PHACTR3: variants seen among roughly 807,000 people sequenced by gnomAD.
PHACTR3 encodes phosphatase and actin regulator 3, also known as protein phosphatase 1, regulatory subunit 123.
In PHACTR3, 16 loss-of-function variants were observed where a neutral mutation model predicts 66.8. That is an observed-to-expected ratio of 0.24 (90% CI 0.16 to 0.36). PHACTR3 has a LOEUF of 0.36. Ranked by LOEUF, PHACTR3 falls within the 10% of genes least tolerant of loss-of-function variation. The probability of loss-of-function intolerance (pLI) is 1.00; values close to 1 mark genes in which losing one functional copy is unlikely to be tolerated. For synonymous variants in PHACTR3, 323 were observed against 292.1 expected (o/e 1.11, Z -1.08); for missense variants, 647 against 719.9 (o/e 0.90, Z 1.16).
chr20:59,807,703 G>A (rs6027130), intron 8 of PHACTR3, among the ~76,000 whole-genome samples: 22,982 of 152,084 alleles, frequency 0.15, 3,127 homozygotes, highest in East Asian at 0.4. Flanking sequence ...CTTACACCAC[G>A]ATGTCATATG....
chr20:59,605,261 C>T (rs1345549409), intron 1 of PHACTR3, 129 bp downstream of exon 1: 1 of 563,534 alleles, frequency 1.8e-6, no homozygotes, highest in Non-Finnish European at 2.7e-6. Context: ...CGCGCTCGGC[C>T]CCGCGGTTCC....
At chr20:59,700,407 C>T (rs188200291) in intron 1 of PHACTR3, among the ~76,000 whole-genome samples, 47 of 152,328 alleles carry the variant, frequency 3.1e-4, no homozygotes, top group African/African-American at 9.6e-4. Flanking sequence ...ATGACTGCAA[C>T]TGCAAGACCA....
intron 7 of PHACTR3, among the ~76,000 whole-genome samples, chr20:59,780,030 TCA>T (rs780917004): frequency 5.9e-5 from 9 of 152,236 alleles, no homozygotes; most frequent in East Asian, 5.8e-4. Context: ...GTCTGGTTTT[TCA>T]CAGTGTCCCA....
At chr20:59,729,824 T>G (rs1042506977) in intron 1 of PHACTR3, among the ~76,000 whole-genome samples, 2 of 152,148 alleles carry the variant, frequency 1.3e-5, no homozygotes, top group Non-Finnish European at 2.9e-5. Flanking sequence ...ACATCAGAAA[T>G]GCAGACAGTT....
chr20:59,787,935 A>C (rs2040967592), intron 7 of PHACTR3, among the ~76,000 whole-genome samples: 1 of 152,162 alleles, frequency 6.6e-6, no homozygotes, highest in Non-Finnish European at 1.5e-5. Context: ...CCCATCTGAA[A>C]TACACACCCA....
intron 9 of PHACTR3, among the ~76,000 whole-genome samples, 195 bp downstream of exon 9, chr20:59,836,755 T>A (rs954490282): frequency 2.6e-5 from 4 of 152,108 alleles, no homozygotes; most frequent in Non-Finnish European, 5.9e-5. Flanking sequence ...TTTTTTAATT[T>A]AAAAAAACTC....
intron 7 of PHACTR3, among the ~76,000 whole-genome samples, chr20:59,797,510 G>T (rs1291092320): frequency 6.6e-6 from 1 of 152,002 alleles, no homozygotes; most frequent in Admixed American, 6.6e-5. Context: ...CCTATAGATG[G>T]GACCTAGGGT....
chr20:59,841,507 C>T lies in PHACTR3; in HGVS notation c.1559C>T (p.Pro520Leu). 1 of 1,612,964 alleles carries T rather than the reference C, an allele frequency of 6.2e-7. No individual in the cohort carries two copies. Among genetic ancestry groups the T allele is most frequent in the Non-Finnish European group, 8.5e-7 (1 of 1,179,428 alleles). Residue 520 changes from proline (P) to leucine (L), a missense_variant, in exon 11 of 13, where the codon CCC becomes CTC. Pro to Leu is a moderately conservative substitution (Grantham distance 98). Coordinates refer to ENST00000371015, the MANE Select transcript of PHACTR3 (RefSeq NM_080672.5). ...GACTATGACAGGAGGGCAGACAAAC[C>T]CTGGACGAGACTGTCAGCAGCAGAT... Reference protein sequence around the residue: ...AQDYDRRADKPWTRLSAADKA... With the variant: ...AQDYDRRADKLWTRLSAADKA...
At chr20:59,584,550 T>A (rs773295251) in intron 1 of PHACTR3, among the ~76,000 whole-genome samples, 6 of 152,104 alleles carry the variant, frequency 3.9e-5, no homozygotes, top group Non-Finnish European at 8.8e-5. Context: ...TGCATGAGTG[T>A]GTACGTGCAT....
rs757288346 is a variant in PHACTR3, at chr20:59,743,089, T to C, written c.119-18T>C. ...GTTTGGTGGCCACTTGAGGACCCCC[T>C]TGGTTTTCGTCTTCCAGATGAGATG... is the stretch of plus-strand genomic sequence containing the variant. On this transcript the variant is annotated intron_variant, in intron 1 of 12. Transcript: ENST00000371015. The C allele has an allele frequency of 1.1e-5, 18 of 1,607,752 alleles. No homozygotes were observed. The South Asian group carries it at 1.9e-4, about 17-fold the overall frequency.
Position 59,743,204 on chromosome 20 carries a change from C to A in PHACTR3, c.216C>A (p.Gly72=), listed in dbSNP as rs755611546. ...GGAACAGCAAACTGGCCACCCTGGG[C>A]AGGATCTTCAAACCCTGGAAATGGA... ...VRRNSKLATL[G]RIFKPWKWRK... Residue 72 remains glycine, a synonymous_variant, in exon 2 of 13, where the codon GGC becomes GGA. Transcript: ENST00000371015. The A allele has an allele frequency of 1.2e-6, 2 of 1,614,122 alleles. No homozygotes were observed. Among genetic ancestry groups the A allele is most frequent in the Non-Finnish European group, 1.7e-6 (2 of 1,179,982 alleles).
intron 1 of PHACTR3, among the ~76,000 whole-genome samples, chr20:59,690,588 T>C (rs1377507721): frequency 6.6e-6 from 1 of 152,190 alleles, no homozygotes; most frequent in African/African-American, 2.4e-5. Context: ...GGGGAGACTG[T>C]ATTATAGAGA....
At chr20:59,671,063 C>G (rs2036180314) in intron 1 of PHACTR3, among the ~76,000 whole-genome samples, 1 of 152,160 alleles carries the variant, frequency 6.6e-6, no homozygotes, top group Non-Finnish European at 1.5e-5. Context: ...TGGGAGAGAG[C>G]ATTTGGTTTC....
chr20:59,759,158 G>C (rs968815945), intron 4 of PHACTR3, among the ~76,000 whole-genome samples: 14 of 152,194 alleles, frequency 9.2e-5, no homozygotes, highest in African/African-American at 3.4e-4. Context: ...GCCACCTGCA[G>C]TTTGCTATGG....
chr20:59,801,460 T>A (rs1472178642), intron 7 of PHACTR3, among the ~76,000 whole-genome samples: 1 of 152,246 alleles, frequency 6.6e-6, no homozygotes, highest in Non-Finnish European at 1.5e-5. Context: ...TCATAGCTTT[T>A]TACTTTGAAG....
intron 1 of PHACTR3, among the ~76,000 whole-genome samples, chr20:59,742,837 C>T (rs1214290481): frequency 2.0e-5 from 3 of 152,256 alleles, no homozygotes; most frequent in East Asian, 1.9e-4. Flanking sequence ...TTAGGAACAT[C>T]TTCACACGTG....
chr20:59,644,333 C>G (rs1555882431), intron 1 of PHACTR3, among the ~76,000 whole-genome samples: 2 of 152,208 alleles, frequency 1.3e-5, no homozygotes, highest in African/African-American at 4.8e-5. Flanking sequence ...GAATTAACTT[C>G]TATTTGTTGT....
chr20:59,604,966 T>G lies in PHACTR3; in HGVS notation c.-49T>G. ...CGGTGACCTTGGCCGCCTCGGATGC[T>G]CTGATTCCACGCGGCTCGCTCTAAC... is the stretch of plus-strand genomic sequence containing the variant. On this transcript the variant is annotated 5_prime_UTR_variant, in exon 1 of 13. Coordinates refer to ENST00000371015, the MANE Select transcript of PHACTR3 (RefSeq NM_080672.5). 2 of 1,222,646 alleles carry G rather than the reference T, an allele frequency of 1.6e-6. No individual in the cohort carries two copies. 75.7% of individuals were successfully genotyped at this position (1,222,646 alleles called of 1,614,324 possible). A position where few individuals can be genotyped will look rare whatever the true frequency, so the allele number is the denominator to read the frequency against.
intron 7 of PHACTR3, among the ~76,000 whole-genome samples, chr20:59,793,018 G>A (rs56144357): frequency 0.037 from 5,630 of 151,800 alleles, 138 homozygotes; most frequent in Non-Finnish European, 0.05. Context: ...CTGAGTAGCC[G>A]AGACTATAGA....
Sources: allele counts gnomAD v4.1 joint callset (sites outside exome capture counted in the v4.1 genomes callset), GRCh38; gene constraint gnomAD v4.1.1; transcripts MANE v1.5; gene names NCBI Gene and HGNC (gene_info 2026-07-23, HGNC 2026-07-21).